CTNNA3: variants seen among roughly 807,000 people sequenced by gnomAD.
The protein encoded by CTNNA3 is catenin alpha 3, also known as catenin alpha-3.
CTNNA3 carries 76 observed loss-of-function variants against 95.7 expected under a neutral mutation model. The ratio of observed to expected loss-of-function variants is 0.79; its 90% CI spans 0.66 to 0.96. The LOEUF (loss-of-function observed/expected upper bound fraction) is 0.96. Ranked by LOEUF, CTNNA3 falls within the 40% of genes least tolerant of loss-of-function variation. The probability of loss-of-function intolerance (pLI) is 0.00; values close to 1 mark genes in which losing one functional copy is unlikely to be tolerated. For missense variants in CTNNA3, 1,191 were observed against 1,089.8 expected, an observed-to-expected ratio of 1.09 and a Z score of -1.31; for synonymous variants, 431 against 374.4, an observed-to-expected ratio of 1.15 and a Z score of -1.74.
At chr10:66,498,792 A>T (rs1840182582) in intron 11 of CTNNA3, among the ~76,000 whole-genome samples, 1 of 152,192 alleles carries the variant, frequency 6.6e-6, no homozygotes, top group Non-Finnish European at 1.5e-5. Context: ...CACGTTGCAT[A>T]GTTGTGCTTA....
At chr10:66,593,314 C>T (rs1358812871) in intron 10 of CTNNA3, among the ~76,000 whole-genome samples, 2 of 152,102 alleles carry the variant, frequency 1.3e-5, no homozygotes, top group African/African-American at 2.4e-5. Context: ...AGTTTCAAGT[C>T]ACTGGTGACA....
chr10:67,538,805 T>C (rs1473251710), intron 4 of CTNNA3, among the ~76,000 whole-genome samples: 3 of 152,092 alleles, frequency 2.0e-5, no homozygotes, highest in Non-Finnish European at 4.4e-5. Flanking sequence ...ACAACAGATA[T>C]AAAAAGAGTT....
intron 7 of CTNNA3, among the ~76,000 whole-genome samples, chr10:66,876,276 A>G (rs1844618105): frequency 6.6e-6 from 1 of 152,162 alleles, no homozygotes; most frequent in South Asian, 2.1e-4. Flanking sequence ...CTGAGCATAT[A>G]TTAGGATAAA....
chr10:67,328,168 A>T (rs1841625876), intron 5 of CTNNA3, among the ~76,000 whole-genome samples: 1 of 152,164 alleles, frequency 6.6e-6, no homozygotes, highest in Non-Finnish European at 1.5e-5. Context: ...GAGTTGCCTT[A>T]GGCCTAAAGA....
intron 11 of CTNNA3, among the ~76,000 whole-genome samples, chr10:66,392,036 A>G (rs2092937328): frequency 1.3e-5 from 2 of 151,572 alleles, no homozygotes; most frequent in Admixed American, 6.6e-5. Context: ...GAACTTTTAA[A>G]ATATAACACC....
rs1589325910 is a variant in CTNNA3, at chr10:66,846,484, C to T, written c.1048-70960G>A. The stretch of plus-strand genomic sequence containing the variant: ...TGTTCTCACCACACACACACACACA[C>T]ACACACACACACAAAATGAGGGGAT... On this transcript the variant is annotated intron_variant, in intron 7 of 17. Transcript: ENST00000433211. 2.0e-5 allele frequency among the ~76,000 whole-genome samples: 3 copies of T among 151,992 alleles called. 1 individual carries two copies. The highest frequency in any genetic ancestry group is 7.2e-5 in the African/African-American group (3 of 41,428).
At chr10:66,981,121 C>T (rs1453603875) in intron 7 of CTNNA3, among the ~76,000 whole-genome samples, 1 of 152,114 alleles carries the variant, frequency 6.6e-6, no homozygotes, top group East Asian at 1.9e-4. Context: ...TCAGGCTGGT[C>T]TCGAACTCCT....
intron 5 of CTNNA3, among the ~76,000 whole-genome samples, chr10:67,434,307 T>C (rs955303987): frequency 6.6e-6 from 1 of 151,984 alleles, no homozygotes; most frequent in Admixed American, 6.6e-5. Context: ...ATCTATCTTG[T>C]AAGGTTGTCA....
chr10:66,747,295 A>G (rs959131804), intron 9 of CTNNA3, among the ~76,000 whole-genome samples: 1 of 152,136 alleles, frequency 6.6e-6, no homozygotes, highest in Non-Finnish European at 1.5e-5. Flanking sequence ...ACTCCTTCCT[A>G]CTCTTAGGAA....
chr10:66,044,104 A>G (rs2079768153), intron 15 of CTNNA3, among the ~76,000 whole-genome samples: 1 of 151,838 alleles, frequency 6.6e-6, no homozygotes, highest in Non-Finnish European at 1.5e-5. Flanking sequence ...AAGCGATTCT[A>G]CTGACTCAGC....
intron 15 of CTNNA3, among the ~76,000 whole-genome samples, chr10:66,001,890 T>C (rs1001825995): frequency 1.3e-5 from 2 of 152,170 alleles, no homozygotes; most frequent in African/African-American, 4.8e-5. Context: ...GTCTTGTCCA[T>C]ATATTCTTTT....
At chr10:67,275,490 A>T (rs1049529684) in intron 5 of CTNNA3, among the ~76,000 whole-genome samples, 30 of 152,204 alleles carry the variant, frequency 2.0e-4, no homozygotes, top group Admixed American at 3.3e-4. Flanking sequence ...AATTATTTTT[A>T]AAAAATGACT....
chr10:67,088,108 T>A (rs12782974), intron 7 of CTNNA3, among the ~76,000 whole-genome samples: 53,297 of 150,826 alleles, frequency 0.35, 9,752 homozygotes, highest in Middle Eastern at 0.53. Context: ...AGTGAGTGAG[T>A]GAATGAGTGA....
intron 7 of CTNNA3, among the ~76,000 whole-genome samples, chr10:66,953,661 A>G (rs562175118): frequency 8.5e-5 from 13 of 152,134 alleles, no homozygotes; most frequent in Non-Finnish European, 1.6e-4. Context: ...AATTTCATCT[A>G]TTTTCTACAT....
chr10:66,630,560 T>C (rs1373502346), intron 9 of CTNNA3, among the ~76,000 whole-genome samples: 2 of 152,298 alleles, frequency 1.3e-5, no homozygotes, highest in Non-Finnish European at 2.9e-5. Flanking sequence ...TTGGCAAGTG[T>C]GGCAGATGGA....
At chr10:66,899,423 G>A (rs10997436) in intron 7 of CTNNA3, among the ~76,000 whole-genome samples, 5,788 of 152,216 alleles carry the variant, frequency 0.038, 359 homozygotes, top group African/African-American at 0.13. Context: ...GAACAGCTCC[G>A]GTCGGAAGCT....
chr10:67,039,168 T>A (rs915154343), intron 7 of CTNNA3, among the ~76,000 whole-genome samples: 2 of 152,082 alleles, frequency 1.3e-5, no homozygotes, highest in African/African-American at 4.8e-5. Context: ...ACTGTTACCA[T>A]ACTTAACATT....
At chr10:66,689,907 A>G (rs1847453713) in intron 9 of CTNNA3, among the ~76,000 whole-genome samples, 2 of 152,210 alleles carry the variant, frequency 1.3e-5, no homozygotes, top group South Asian at 2.1e-4. Context: ...CAAACAAGAT[A>G]GAAAAGACAC....
chr10:66,997,290 A>T (rs562826721), intron 7 of CTNNA3, among the ~76,000 whole-genome samples: 21 of 152,344 alleles, frequency 1.4e-4, no homozygotes, highest in South Asian at 4.1e-4. Flanking sequence ...TCTCTTATAA[A>T]AATGAATGTG....
Sources: gnomAD v4.1 joint callset for allele counts (sites outside exome capture counted in the v4.1 genomes callset) on GRCh38, gnomAD v4.1.1 for gene constraint, MANE v1.5 for transcripts, NCBI Gene and HGNC (gene_info 2026-07-23, HGNC 2026-07-21) for gene names.